Variants in ZNF236 observed in about 807,000 individuals in gnomAD.
The protein encoded by ZNF236 is zinc finger protein 236.
A neutral mutation model predicts 191.2 loss-of-function variants in ZNF236; 50 were observed. That is an observed-to-expected ratio of 0.26 (90% confidence interval 0.21 to 0.33). The LOEUF is 0.33. Ranked by LOEUF, ZNF236 falls within the 10% of genes least tolerant of loss-of-function variation. The probability of loss-of-function intolerance (pLI) is 1.00; values close to 1 mark genes in which losing one functional copy is unlikely to be tolerated. For missense variants in ZNF236, 1,754 were observed against 2,374.5 expected (o/e 0.74, Z 5.43); for synonymous variants, 907 against 928.8 (o/e 0.98, Z 0.43).
At chr18:76,864,601 G>A (rs1976349332) in intron 3 of ZNF236, among the ~76,000 whole-genome samples, 1 of 151,382 alleles carries the variant, frequency 6.6e-6, no homozygotes, top group Non-Finnish European at 1.5e-5. Flanking sequence ...CAAAATTGGG[G>A]TGAATATAAT....
chr18:76,855,572 C>T (rs1006367770), intron 3 of ZNF236, among the ~76,000 whole-genome samples: 1 of 152,228 alleles, frequency 6.6e-6, no homozygotes, highest in African/African-American at 2.4e-5. Context: ...TTAACAGGTG[C>T]ATGGTATTAT....
intron 27 of ZNF236, among the ~76,000 whole-genome samples, chr18:76,948,752 A>G (rs1265320335): frequency 1.3e-5 from 2 of 152,182 alleles, no homozygotes; most frequent in African/African-American, 4.8e-5. Context: ...TTGTTTTACA[A>G]TCAGTCATGT....
intron 1 of ZNF236, among the ~76,000 whole-genome samples, chr18:76,843,663 C>A (rs1287017531): frequency 6.6e-6 from 1 of 150,738 alleles, no homozygotes; most frequent in South Asian, 2.1e-4. Flanking sequence ...GTAGTCCCAG[C>A]TACTCAGGAG....
chr18:76,825,869 C>G (rs1975000946), intron 1 of ZNF236, among the ~76,000 whole-genome samples: 1 of 152,024 alleles, frequency 6.6e-6, no homozygotes, highest in Non-Finnish European at 1.5e-5. Flanking sequence ...CGTCAGTCTC[C>G]CAGAGTTTTG....
chr18:76,968,659 T>C lies in ZNF236; in HGVS notation c.*320T>C. 9.5e-7 allele frequency: 1 copy of C among 1,054,638 alleles called. No homozygotes were observed. Among genetic ancestry groups the C allele is most frequent in the South Asian group, 3.6e-5 (1 of 27,758 alleles). 65.3% of individuals were successfully genotyped at this position (1,054,638 alleles called of 1,614,324 possible). On this transcript the variant is annotated 3_prime_UTR_variant, in exon 31 of 31. Coordinates refer to ENST00000320610, the MANE Select transcript of ZNF236 (RefSeq NM_001306089.2). Reference sequence around the variant, plus strand: ...ACTGGGTCTTACTATCATTGTAGTGTGATTTCTTTGTATTAGCAAAGACAA... The same window carrying C: ...ACTGGGTCTTACTATCATTGTAGTGCGATTTCTTTGTATTAGCAAAGACAA...
chr18:76,867,355 C>T (rs1038739991), intron 3 of ZNF236, among the ~76,000 whole-genome samples: 1 of 151,210 alleles, frequency 6.6e-6, no homozygotes, highest in Non-Finnish European at 1.5e-5. Context: ...AATTATTATA[C>T]AATAATACTA....
chr18:76,918,754 T>A (rs1360992729), intron 19 of ZNF236, among the ~76,000 whole-genome samples: 1 of 152,160 alleles, frequency 6.6e-6, no homozygotes, highest in African/African-American at 2.4e-5. Flanking sequence ...GGACTCTTGC[T>A]GTGTGGCCCA....
chr18:76,858,363 C>G (rs1486986902), intron 3 of ZNF236, among the ~76,000 whole-genome samples: 1 of 152,208 alleles, frequency 6.6e-6, no homozygotes, highest in Non-Finnish European at 1.5e-5. Flanking sequence ...CTCACCTCCC[C>G]CCTTCTCCCT....
Position 76,937,180 on chromosome 18 carries a change from T to G in ZNF236, c.4619T>G (p.Leu1540Arg). Residue 1540 changes from leucine (L) to arginine (R), a missense_variant, in exon 26 of 31, where the codon CTT (leucine) becomes CGT (arginine). By Grantham distance (102) the Leu-to-Arg change is moderately radical. This residue lies in a region of ZNF236 where 606 missense variants were observed against 761.5 expected (regional missense o/e 0.80). Transcript: ENST00000320610. ...GAACTTAACACTACAAGCGGAAGCC[T>G]TCCTTCAACAACACCGATGTCTCCA... ...ISELNTTSGSLPSTTPMSPSA... is the reference protein window; with the variant it reads ...ISELNTTSGSRPSTTPMSPSA... 6.2e-7 allele frequency: 1 copy of G among 1,614,102 alleles called. No homozygotes were observed. Among genetic ancestry groups the G allele is most frequent in the South Asian group, 1.1e-5 (1 of 91,080 alleles).
chr18:76,919,246 C>T lies in ZNF236; in HGVS notation c.3275-530C>T, dbSNP rs9959626. ...ATCTGAGCGTCTTCCTAATGTTGGTCATCACTCTCCTAAAGGATGCCCTTC... is the reference window on the plus strand; with the variant it reads ...ATCTGAGCGTCTTCCTAATGTTGGTTATCACTCTCCTAAAGGATGCCCTTC... On this transcript the variant is annotated intron_variant, in intron 19 of 30. Transcript: ENST00000320610. The surrounding 1 kb of genome is among the most constrained non-coding windows in gnomAD (Gnocchi z 5.3). 0.026 allele frequency among the ~76,000 whole-genome samples: 3,950 copies of T among 152,246 alleles called. 152 individuals are homozygous for T. Among genetic ancestry groups the T allele is most frequent in the African/African-American group, 0.087 (3,621 of 41,520 alleles).
chr18:76,841,416 C>T (rs1298234212), intron 1 of ZNF236, among the ~76,000 whole-genome samples: 2 of 152,056 alleles, frequency 1.3e-5, no homozygotes, highest in Middle Eastern at 3.2e-3. Context: ...ATAATATGAG[C>T]GAACCGACAC....
intron 5 of ZNF236, among the ~76,000 whole-genome samples, chr18:76,874,564 G>A (rs1301151439): frequency 2.0e-5 from 3 of 151,994 alleles, no homozygotes; most frequent in African/African-American, 7.2e-5. Context: ...AATGTAAAAG[G>A]TCAAATGCTG....
Position 76,903,911 on chromosome 18 carries a change from T to C in ZNF236, c.1895-469T>C, listed in dbSNP as rs985233112. On this transcript the variant is annotated intron_variant, in intron 11 of 30. Transcript: ENST00000320610. ...ATGTTAGAGTCACTTTTGTTTTCAG[T>C]TTATTATAGTATCTAGTGTGCAGTA... is the stretch of plus-strand genomic sequence containing the variant. Among the ~76,000 whole-genome samples, 3 of 149,018 alleles carry C rather than the reference T, an allele frequency of 2.0e-5. No homozygotes were observed. The Admixed American group carries it at 2.0e-4, about 10-fold the overall frequency.
chr18:76,910,918 C>A, intron 16 of ZNF236, 107 bp downstream of exon 16: 2 of 1,268,388 alleles, frequency 1.6e-6, no homozygotes, highest in Non-Finnish European at 2.2e-6. Flanking sequence ...AAGAGGCATG[C>A]TCACTTCTTG....
intron 28 of ZNF236, 77 bp downstream of exon 28, chr18:76,956,259 C>A: frequency 1.3e-6 from 2 of 1,492,816 alleles, no homozygotes; most frequent in Middle Eastern, 4.7e-4. Context: ...TTAACACTGG[C>A]CGGGAATCTG....
At chr18:76,949,004 G>A (rs191835736) in intron 27 of ZNF236, among the ~76,000 whole-genome samples, 1 of 152,330 alleles carries the variant, frequency 6.6e-6, no homozygotes, top group East Asian at 1.9e-4. Flanking sequence ...GCTGATCAGG[G>A]GCACTGTGGA....
intron 1 of ZNF236, among the ~76,000 whole-genome samples, chr18:76,830,278 G>A (rs1975131782): frequency 6.6e-6 from 1 of 152,122 alleles, no homozygotes; most frequent in African/African-American, 2.4e-5. Flanking sequence ...TTGCTATGCA[G>A]CAGAACTGTG....
intron 19 of ZNF236, among the ~76,000 whole-genome samples, chr18:76,918,249 C>G (rs771224317): frequency 2.0e-5 from 3 of 152,146 alleles, no homozygotes; most frequent in Non-Finnish European, 4.4e-5. Flanking sequence ...ATATAGTTCT[C>G]TCTCAGTATC....
At chr18:76,963,668 G>A (rs1230835101) in intron 30 of ZNF236, among the ~76,000 whole-genome samples, 3 of 152,126 alleles carry the variant, frequency 2.0e-5, no homozygotes, top group Non-Finnish European at 4.4e-5. Flanking sequence ...TCCTTTGAAT[G>A]CCTGGTAGAA....
Sources: gnomAD v4.1 joint callset for allele counts (sites outside exome capture counted in the v4.1 genomes callset) on GRCh38, gnomAD v4.1.1 for gene constraint, gnomAD v4.1.1 regional missense constraint, Gnocchi (gnomAD v3.1) non-coding constraint, MANE v1.5 for transcripts, NCBI Gene and HGNC (gene_info 2026-07-23, HGNC 2026-07-21) for gene names.